The following PTPRT variants were observed in gnomAD, a reference collection of about 807,000 sequenced individuals.
The protein encoded by PTPRT is protein tyrosine phosphatase receptor type T, also known as receptor-type tyrosine-protein phosphatase T.
Under a neutral mutation model 176.8 loss-of-function variants are expected in PTPRT, and 56 were observed. That is an observed-to-expected ratio of 0.32 (90% CI 0.26 to 0.40). The LOEUF (loss-of-function observed/expected upper bound fraction) is 0.40. PTPRT is among the 10% of genes least tolerant of loss of function. The pLI is 1.00. For synonymous variants in PTPRT, 783 were observed against 739.0 expected (o/e 1.06, Z -0.96); for missense variants, 1,540 against 1,908.2 (o/e 0.81, Z 3.60).
At chr20:43,086,320 G>A (rs1200535278) in intron 1 of PTPRT, among the ~76,000 whole-genome samples, 1 of 152,154 alleles carries the variant, frequency 6.6e-6, no homozygotes, top group African/African-American at 2.4e-5. Context: ...CCCAACCAGA[G>A]TCATGTTTCT....
chr20:42,243,305 G>T (rs751514002), intron 14 of PTPRT, among the ~76,000 whole-genome samples: 1 of 152,170 alleles, frequency 6.6e-6, no homozygotes, highest in South Asian at 2.1e-4. Context: ...AGATGATATG[G>T]ATAATGGAGC....
intron 1 of PTPRT, among the ~76,000 whole-genome samples, chr20:42,906,839 C>CCT (rs1568673611): frequency 6.6e-6 from 1 of 152,096 alleles, no homozygotes; most frequent in Non-Finnish European, 1.5e-5. Flanking sequence ...TGACAGACTA[C>CCT]CTCTGTTACA....
At chr20:42,757,701 G>A (rs570563969) in intron 5 of PTPRT, among the ~76,000 whole-genome samples, 1 of 152,304 alleles carries the variant, frequency 6.6e-6, no homozygotes, top group South Asian at 2.1e-4. Context: ...AAGCTTGTCT[G>A]AAAGCTTCCC....
the PTPRT span, among the ~76,000 whole-genome samples, chr20:42,044,363 G>A: frequency 1.3e-5 from 2 of 152,122 alleles, no homozygotes; most frequent in Admixed American, 6.5e-5. Flanking sequence ...TGATTATGAG[G>A]ACTTTACAAC....
chr20:42,870,368 T>C (rs916090736), intron 2 of PTPRT, among the ~76,000 whole-genome samples: 3 of 152,250 alleles, frequency 2.0e-5, no homozygotes, highest in African/African-American at 4.8e-5. Flanking sequence ...TAATATTCCA[T>C]TGTATGCGTA....
At chr20:42,518,656 T>C (rs766034551) in intron 7 of PTPRT, among the ~76,000 whole-genome samples, 27 of 152,084 alleles carry the variant, frequency 1.8e-4, no homozygotes, top group Non-Finnish European at 3.4e-4. Context: ...TGAGTATGTG[T>C]ATTGTCTTTC....
At chr20:42,662,239 T>C (rs1369226255) in intron 7 of PTPRT, among the ~76,000 whole-genome samples, 1 of 152,156 alleles carries the variant, frequency 6.6e-6, no homozygotes, top group Non-Finnish European at 1.5e-5. Context: ...AACATATAAG[T>C]AGGTAATATA....
intron 17 of PTPRT, among the ~76,000 whole-genome samples, chr20:42,147,143 C>T (rs1460812786): frequency 2.6e-5 from 4 of 152,166 alleles, no homozygotes; most frequent in East Asian, 3.8e-4. Flanking sequence ...ATCTTTGTCA[C>T]GACTGTATCT....
intron 1 of PTPRT, among the ~76,000 whole-genome samples, chr20:43,055,107 TC>T: frequency 6.6e-6 from 1 of 152,204 alleles, no homozygotes; most frequent in East Asian, 1.9e-4. Flanking sequence ...AATATACTTT[TC>T]AGCCTCATTA....
intron 7 of PTPRT, among the ~76,000 whole-genome samples, chr20:42,641,922 A>G (rs1313831930): frequency 6.6e-6 from 1 of 152,136 alleles, no homozygotes; most frequent in African/African-American, 2.4e-5. Flanking sequence ...AGCGTCTTAG[A>G]GTGCCCTCTT....
intron 2 of PTPRT, among the ~76,000 whole-genome samples, chr20:42,812,825 T>C (rs945955383): frequency 2.0e-4 from 30 of 152,168 alleles, no homozygotes; most frequent in Non-Finnish European, 1.3e-4. Flanking sequence ...AAATAAATGT[T>C]TCATGCATAA....
chr20:42,984,864 G>A (rs1232081428), intron 1 of PTPRT, among the ~76,000 whole-genome samples: 1 of 152,206 alleles, frequency 6.6e-6, no homozygotes, highest in African/African-American at 2.4e-5. Flanking sequence ...ACAGTTAAAG[G>A]AATGAATGCA....
intron 1 of PTPRT, among the ~76,000 whole-genome samples, chr20:43,088,291 C>T (rs1428719931): frequency 2.6e-5 from 4 of 151,640 alleles, no homozygotes; most frequent in Admixed American, 2.6e-4. Context: ...CAGAAAAAGA[C>T]TCCCAAAATG....
chr20:42,538,088 T>C (rs1190441768), intron 7 of PTPRT, among the ~76,000 whole-genome samples: 2 of 152,110 alleles, frequency 1.3e-5, no homozygotes, highest in African/African-American at 2.4e-5. Flanking sequence ...TATTACAATC[T>C]TTATCTTACA....
chr20:42,427,928 C>T (rs1448088364), intron 9 of PTPRT, among the ~76,000 whole-genome samples: 1 of 152,130 alleles, frequency 6.6e-6, no homozygotes, highest in East Asian at 1.9e-4. Flanking sequence ...GAGAACAACC[C>T]CCTTTGACTG....
intron 2 of PTPRT, among the ~76,000 whole-genome samples, chr20:42,850,430 G>T (rs2078448176): frequency 6.6e-6 from 1 of 152,182 alleles, no homozygotes; most frequent in Non-Finnish European, 1.5e-5. Context: ...ACCTGAAAAG[G>T]CATTTGTTAA....
intron 1 of PTPRT, among the ~76,000 whole-genome samples, chr20:42,890,653 C>T (rs926985659): frequency 3.9e-5 from 6 of 152,218 alleles, no homozygotes; most frequent in East Asian, 3.9e-4. Flanking sequence ...GAACAGAAAA[C>T]ATTTAAACCC....
chr20:42,359,817 C>T (rs963543364), intron 9 of PTPRT, among the ~76,000 whole-genome samples: 8 of 152,238 alleles, frequency 5.3e-5, no homozygotes, highest in Admixed American at 5.2e-4. Flanking sequence ...TTCCCCAGCA[C>T]TGCCAGCACA....
At chr20:42,119,012 GGAAAAAAAAAAAAA>G (rs1987440857) in intron 20 of PTPRT, among the ~76,000 whole-genome samples, 1 of 29,178 alleles carries the variant, frequency 3.4e-5, no homozygotes, top group African/African-American at 7.8e-5. Context: ...CAGAAAGGAA[GGAAAAAAAAAAAAA>G]AAAAAAAAAA....
Sources: allele counts gnomAD v4.1 joint callset (sites outside exome capture counted in the v4.1 genomes callset), GRCh38; gene constraint gnomAD v4.1.1; transcripts MANE v1.5; gene names NCBI Gene and HGNC (gene_info 2026-07-23, HGNC 2026-07-21).